The following ASH1L variants were observed in gnomAD, a reference collection of about 807,000 sequenced individuals.
The protein encoded by ASH1L is histone-lysine N-methyltransferase ASH1L.
Under a neutral mutation model 269.0 loss-of-function variants are expected in ASH1L, and 23 were observed. The observed-to-expected ratio is 0.09, with a 90% confidence interval of 0.06 to 0.12. The LOEUF (loss-of-function observed/expected upper bound fraction) is 0.12, where lower values mean the gene tolerates loss of function less well. Among genes scored for constraint, ASH1L ranks in the 10% least tolerant of loss-of-function variants. The pLI is 1.00. For synonymous variants in ASH1L, 1,187 were observed against 1,253.5 expected (o/e 0.95, Z 1.12); for missense variants, 2,912 against 3,567.8 (o/e 0.82, Z 4.68).
At chr1:155,365,050 T>C (rs1227847961) in intron 12 of ASH1L, among the ~76,000 whole-genome samples, 1 of 152,192 alleles carries the variant, frequency 6.6e-6, no homozygotes, top group African/African-American at 2.4e-5. Flanking sequence ...TCTTGTGTTC[T>C]TTCTTGTGCG....
rs1017867504 is a variant in ASH1L at position 155,347,837 on chromosome 1, G to A, written c.7622C>T (p.Ala2541Val). 6.2e-7 allele frequency: 1 copy of A among 1,614,102 alleles called. No homozygotes were observed. Among genetic ancestry groups the A allele is most frequent in the African/African-American group, 1.3e-5 (1 of 74,924 alleles). ...AATCTGGGCTGATGCCTCATGCCGG[G>A]CATTGTAATAGGCCTTTCGTAGACG... ...VCRLRKAYYNARHEASAQIDE... is the reference protein window; with the variant it reads ...VCRLRKAYYNVRHEASAQIDE... Residue 2541 changes from alanine (A) to valine (V), a missense_variant, in exon 20 of 28, where the codon GCC (alanine) becomes GTC (valine). By Grantham distance (64) the Ala-to-Val change is moderately conservative. Transcript: ENST00000392403.
At chr1:155,361,378 A>T (rs1322440731) in intron 12 of ASH1L, among the ~76,000 whole-genome samples, 1 of 151,876 alleles carries the variant, frequency 6.6e-6, no homozygotes, top group African/African-American at 2.4e-5. Context: ...TTAGCCGGGC[A>T]TGGTGGTGTG....
At position 155,453,836 on chromosome 1, in the gene ASH1L, C is replaced by T. The variant is rs373155779; in HGVS notation, c.5086+5961G>A. On this transcript the variant is annotated intron_variant, in intron 4 of 27. Transcript: ENST00000392403. ...AAAACAAAAAGGCCGGGCACAGTGG[C>T]TCACGCCTGTAATCCCAGCACTTTG... Among the ~76,000 whole-genome samples the T allele has an allele frequency of 2.3e-3, 349 of 152,148 alleles. 4 individuals are homozygous for T. Among genetic ancestry groups the T allele is most frequent in the South Asian group, 0.021 (100 of 4,810 alleles).
chr1:155,402,768 G>A (rs1171451113), intron 6 of ASH1L, among the ~76,000 whole-genome samples: 4 of 151,808 alleles, frequency 2.6e-5, no homozygotes, highest in African/African-American at 9.7e-5. Flanking sequence ...TGTCTAGGCT[G>A]GTCTCAAACT....
intron 12 of ASH1L, among the ~76,000 whole-genome samples, chr1:155,364,184 A>T (rs144320929): frequency 3.0e-4 from 45 of 152,270 alleles, no homozygotes; most frequent in Non-Finnish European, 5.3e-4. Flanking sequence ...GGTCCCAGCT[A>T]CTTGGGAAGC....
intron 17 of ASH1L, among the ~76,000 whole-genome samples, chr1:155,351,572 C>A (rs577136076): frequency 6.9e-6 from 1 of 144,758 alleles, no homozygotes; most frequent in African/African-American, 2.6e-5. Context: ...AAATAAAGGC[C>A]GGGCATGCTG....
intron 5 of ASH1L, among the ~76,000 whole-genome samples, chr1:155,423,511 G>C (rs1660887728): frequency 6.6e-6 from 1 of 152,070 alleles, no homozygotes; most frequent in Non-Finnish European, 1.5e-5. Context: ...AGAGGTTGCA[G>C]TGAGCCAAGA....
intron 6 of ASH1L, among the ~76,000 whole-genome samples, chr1:155,407,409 C>T (rs951019775): frequency 6.6e-6 from 1 of 152,098 alleles, no homozygotes; most frequent in African/African-American, 2.4e-5. Flanking sequence ...TACTATTTAA[C>T]CCAGTAATTC....
intron 5 of ASH1L, among the ~76,000 whole-genome samples, chr1:155,432,148 T>C (rs879878855): frequency 1.1e-4 from 16 of 152,138 alleles, no homozygotes; most frequent in Non-Finnish European, 1.8e-4. Context: ...CTGTATCCCA[T>C]GCTACTCTAC....
Position 155,343,195 on chromosome 1 carries a change from G to A in ASH1L, c.8293+119C>T, listed in dbSNP as rs1299530131. 5.4e-6 allele frequency: 6 copies of A among 1,114,860 alleles called. No homozygotes were observed. The highest frequency in any genetic ancestry group is 6.4e-6 in the Non-Finnish European group (5 of 780,764). 69.1% of individuals were successfully genotyped at this position (1,114,860 alleles called of 1,614,324 possible). A position where few individuals can be genotyped will look rare whatever the true frequency, so the allele number is the denominator to read the frequency against. ...AGAGTTTTGCCACGTTGGCCAGGCT[G>A]GTCTCACACTCCTGGGCTTAAGCAA... On this transcript the variant is annotated intron_variant, in intron 24 of 27. Coordinates refer to ENST00000392403, the MANE Select transcript of ASH1L (RefSeq NM_018489.3). The surrounding 1 kb of genome is among the most constrained non-coding windows in gnomAD (Gnocchi z 6.1).
chr1:155,526,346 TTTC>T (rs1430691369), intron 1 of ASH1L, among the ~76,000 whole-genome samples: 1 of 152,252 alleles, frequency 6.6e-6, no homozygotes, highest in East Asian at 1.9e-4. Flanking sequence ...ACACAAGTTT[TTTC>T]TTAATATGTT....
intron 3 of ASH1L, among the ~76,000 whole-genome samples, chr1:155,472,701 A>G (rs1048253736): frequency 6.6e-6 from 1 of 152,238 alleles, no homozygotes; most frequent in Non-Finnish European, 1.5e-5. Context: ...AGCCCCAGCC[A>G]TCCCTATTAT....
chr1:155,477,180 CTT>C (rs1209365931), intron 3 of ASH1L, among the ~76,000 whole-genome samples: 2 of 152,136 alleles, frequency 1.3e-5, no homozygotes, highest in African/African-American at 2.4e-5. Flanking sequence ...AATGCTTACT[CTT>C]TGTTTTCTAT....
chr1:155,366,989 GT>G (rs896488958), intron 12 of ASH1L, among the ~76,000 whole-genome samples: 160 of 124,188 alleles, frequency 1.3e-3, no homozygotes, highest in South Asian at 0.011. Context: ...AATGGGTTTG[GT>G]TTTTTTTTTT....
chr1:155,462,736 G>C (rs1250799570), intron 3 of ASH1L, among the ~76,000 whole-genome samples: 5 of 152,116 alleles, frequency 3.3e-5, no homozygotes, highest in Admixed American at 3.3e-4. Context: ...CATTCAGGAA[G>C]GTTCTCATTT....
chr1:155,380,803 A>ATTT (rs34017490), intron 7 of ASH1L, among the ~76,000 whole-genome samples: 1 of 126,348 alleles, frequency 7.9e-6, no homozygotes. Context: ...GCTAATTTGT[A>ATTT]TTTTTTTTTT....
chr1:155,483,086 C>T (rs1237815703), intron 2 of ASH1L, among the ~76,000 whole-genome samples: 1 of 151,954 alleles, frequency 6.6e-6, no homozygotes, highest in African/African-American at 2.4e-5. Context: ...AGTCATTTAC[C>T]GTAAAATGCT....
At position 155,562,454 on chromosome 1, in the gene ASH1L, AGTGGCGGCG is replaced by A. The variant is rs750868856; in HGVS notation, c.-410_-402del. The A allele has an allele frequency of 1.6e-4, 232 of 1,464,058 alleles. 1 individual carries two copies. Among genetic ancestry groups the A allele is most frequent in the South Asian group, 7.2e-4 (59 of 82,464 alleles). The allele number at this position is 1,464,058 out of a possible 1,614,324, so 90.7% of individuals were successfully genotyped here. A position where few individuals can be genotyped will look rare whatever the true frequency, so the allele number is the denominator to read the frequency against. On this transcript the variant is annotated 5_prime_UTR_variant, in exon 1 of 28. Transcript: ENST00000392403. Reference sequence around the variant, plus strand: ...GCGGCGGCGGCGGCGGCAGCAGCAGAGTGGCGGCGGTGGCGGCGGCAGCTCCTCCAGAGG... The same window carrying A: ...GCGGCGGCGGCGGCGGCAGCAGCAGAGTGGCGGCGGCAGCTCCTCCAGAGG...
chr1:155,403,379 G>C (rs1659015342), intron 6 of ASH1L, among the ~76,000 whole-genome samples: 1 of 152,106 alleles, frequency 6.6e-6, no homozygotes, highest in South Asian at 2.1e-4. Flanking sequence ...AAGTAAAGTA[G>C]GGAAAAGTAC....
Sources: gnomAD v4.1 joint callset for allele counts (sites outside exome capture counted in the v4.1 genomes callset) on GRCh38, gnomAD v4.1.1 for gene constraint, Gnocchi (gnomAD v3.1) non-coding constraint, MANE v1.5 for transcripts, NCBI Gene and HGNC (gene_info 2026-07-23, HGNC 2026-07-21) for gene names.